ARFGEF1: variants seen among roughly 807,000 people sequenced by gnomAD.
ARFGEF1 encodes brefeldin A-inhibited guanine nucleotide-exchange protein 1.
Under a neutral mutation model 231.0 loss-of-function variants are expected in ARFGEF1, and 42 were observed. The ratio of observed to expected loss-of-function variants is 0.18; its 90% CI spans 0.14 to 0.24. The LOEUF (loss-of-function observed/expected upper bound fraction) is 0.24, where lower values mean the gene tolerates loss of function less well. Ranked by LOEUF, ARFGEF1 falls within the 10% of genes least tolerant of loss-of-function variation. The pLI is 1.00. For missense variants in ARFGEF1, 1,345 were observed against 2,192.0 expected, an observed-to-expected ratio of 0.61 and a Z score of 7.72; for synonymous variants, 710 against 732.3, an observed-to-expected ratio of 0.97 and a Z score of 0.49.
chr8:67,202,980 A>G, intron 36 of ARFGEF1, 103 bp downstream of exon 36: 4 of 1,220,802 alleles, frequency 3.3e-6, no homozygotes, highest in Admixed American at 2.4e-5. Context: ...ATATAGTGAC[A>G]TGCACAGACC....
intron 29 of ARFGEF1, among the ~76,000 whole-genome samples, chr8:67,222,200 TATATACACACAC>T (rs1839204967): frequency 1.5e-5 from 2 of 137,354 alleles, no homozygotes; most frequent in African/African-American, 2.9e-5. Context: ...TATATATATA[TATATACACACAC>T]ATATATATAT....
At chr8:67,224,769 A>G in intron 29 of ARFGEF1, 134 bp downstream of exon 29, 1 of 484,482 alleles carries the variant, frequency 2.1e-6, no homozygotes, top group Non-Finnish European at 3.3e-6. Flanking sequence ...TTTAAAATAT[A>G]CCTAATAATT....
In ARFGEF1 at chr8:67,246,598, T is replaced by C. The variant is rs879817137; in HGVS notation, c.2850+4701A>G. On this transcript the variant is annotated intron_variant, in intron 19 of 38. Coordinates refer to ENST00000262215, the MANE Select transcript of ARFGEF1 (RefSeq NM_006421.5). ...ACAACGTACCCAAACCTATGGAATA[T>C]AGTGAAAGTAGTCCTAAGAGCAAAT... Among the ~76,000 whole-genome samples the C allele has an allele frequency of 3.3e-5, 5 of 149,666 alleles. 1 individual carries two copies. The highest frequency in any genetic ancestry group is 1.2e-4 in the African/African-American group (5 of 40,058).
At chr8:67,270,162 A>C (rs1040919531) in intron 10 of ARFGEF1, among the ~76,000 whole-genome samples, 3 of 152,176 alleles carry the variant, frequency 2.0e-5, no homozygotes, top group African/African-American at 4.8e-5. Flanking sequence ...ACTATCTAAA[A>C]ACGGCAACTC....
chr8:67,204,882 T>A, intron 34 of ARFGEF1, 63 bp from the exon 35 acceptor site: 1 of 1,577,216 alleles, frequency 6.3e-7, no homozygotes, highest in South Asian at 1.1e-5. Flanking sequence ...CTTTATAATT[T>A]CCATGATATT....
intron 19 of ARFGEF1, among the ~76,000 whole-genome samples, chr8:67,244,281 GA>G (rs1304285231): frequency 4.8e-5 from 5 of 104,062 alleles, no homozygotes; most frequent in Non-Finnish European, 9.4e-5. Flanking sequence ...TTCGACTACT[GA>G]GTCTCTCGTC....
intron 1 of ARFGEF1, 62 bp from the exon 2 acceptor site, chr8:67,302,528 T>G (rs539789962): frequency 8.1e-7 from 1 of 1,230,524 alleles, no homozygotes; most frequent in South Asian, 1.7e-5. Flanking sequence ...CTGAGTAATT[T>G]CTTAAGTTCT....
At chr8:67,188,658 C>A (rs1835347879) in intron 5 of ARFGEF1, among the ~76,000 whole-genome samples, 1 of 152,128 alleles carries the variant, frequency 6.6e-6, no homozygotes, top group Non-Finnish European at 1.5e-5. Context: ...GCTTGCTGTC[C>A]ACCAGTGCTG....
chr8:67,285,678 C>T (rs1009559791), intron 7 of ARFGEF1, among the ~76,000 whole-genome samples: 7 of 152,146 alleles, frequency 4.6e-5, no homozygotes, highest in African/African-American at 1.4e-4. Flanking sequence ...CTACCACCAA[C>T]GGGGGTAACC....
At chr8:67,233,951 T>C (rs1352162352) in intron 22 of ARFGEF1, among the ~76,000 whole-genome samples, 1 of 152,100 alleles carries the variant, frequency 6.6e-6, no homozygotes, top group Non-Finnish European at 1.5e-5. Flanking sequence ...AAATCAGAAT[T>C]ACGTTCATAC....
chr8:67,277,768 A>T (rs114342295), intron 7 of ARFGEF1, among the ~76,000 whole-genome samples: 2,472 of 152,304 alleles, frequency 0.016, 71 homozygotes, highest in African/African-American at 0.057. Flanking sequence ...GATGAATGCT[A>T]ATGACTTGAG....
At chr8:67,274,571 T>A (rs1805234596) in intron 9 of ARFGEF1, among the ~76,000 whole-genome samples, 1 of 152,092 alleles carries the variant, frequency 6.6e-6, no homozygotes, top group Admixed American at 6.5e-5. Context: ...ACCAGATCAC[T>A]CTTTTTTTCA....
Position 67,183,866 on chromosome 8 carries a change from T to C in ARFGEF1, c.561-8294A>G, listed in dbSNP as rs1833664883. Among the ~76,000 whole-genome samples the C allele has an allele frequency of 2.0e-5, 3 of 149,398 alleles. No homozygotes were observed. In the South Asian group the frequency reaches 6.4e-4, roughly 32 times the overall value. On this transcript the variant is annotated intron_variant, in intron 5 of 5. Coordinates refer to the ARFGEF1 transcript ENST00000518789. ...GAATTTTTTTTTTTTTTTTTTTTTT[T>C]TTTTTAGACAAAGTCTTGCTGTTGT...
intron 1 of ARFGEF1, among the ~76,000 whole-genome samples, chr8:67,305,893 C>A (rs1806720381): frequency 6.6e-6 from 1 of 152,108 alleles, no homozygotes. Context: ...AAATTTAATG[C>A]CTTTTTCATC....
chr8:67,204,621 A>G (rs182979371), intron 35 of ARFGEF1, 59 bp downstream of exon 35: 3 of 1,548,220 alleles, frequency 1.9e-6, no homozygotes, highest in Middle Eastern at 1.8e-4. Context: ...TACAGCCCAG[A>G]CTGCTATACC....
intron 33 of ARFGEF1, among the ~76,000 whole-genome samples, chr8:67,212,906 A>G (rs1838801513): frequency 6.6e-6 from 1 of 152,194 alleles, no homozygotes; most frequent in Non-Finnish European, 1.5e-5. Context: ...TCTCCAGAAA[A>G]CTAAACCTAC....
intron 5 of ARFGEF1, among the ~76,000 whole-genome samples, chr8:67,183,961 TC>T (rs1282275621): frequency 6.7e-6 from 1 of 149,672 alleles, no homozygotes; most frequent in Non-Finnish European, 1.5e-5. Context: ...CAAGCGATTC[TC>T]CTGACTCAGT....
intron 29 of ARFGEF1, among the ~76,000 whole-genome samples, chr8:67,222,411 G>A (rs1308468138): frequency 6.6e-6 from 1 of 150,966 alleles, no homozygotes; most frequent in Non-Finnish European, 1.5e-5. Flanking sequence ...GATTACAGGT[G>A]TGCACCACCA....
chr8:67,313,240 C>A (rs1352070931), intron 1 of ARFGEF1, among the ~76,000 whole-genome samples: 1 of 152,168 alleles, frequency 6.6e-6, no homozygotes, highest in Non-Finnish European at 1.5e-5. Context: ...TCTGGTCCTT[C>A]CCTGATTAGC....
Sources: allele counts gnomAD v4.1 joint callset (sites outside exome capture counted in the v4.1 genomes callset), GRCh38; gene constraint gnomAD v4.1.1; transcripts MANE v1.5; gene names NCBI Gene and HGNC (gene_info 2026-07-23, HGNC 2026-07-21).